The following RASA2 variants were observed in gnomAD, a reference collection of about 807,000 sequenced individuals.
RASA2 encodes the protein RAS p21 protein activator 2, also known as ras GTPase-activating protein 2.
Under a neutral mutation model 118.2 loss-of-function variants are expected in RASA2, and 155 were observed. The ratio of observed to expected loss-of-function variants is 1.31; its 90% confidence interval spans 1.15 to 1.50. The LOEUF (loss-of-function observed/expected upper bound fraction) is 1.50. Ranked by LOEUF, RASA2 falls within the 40% of genes most tolerant of loss-of-function variation. The pLI, the probability that RASA2 is intolerant of heterozygous loss-of-function variation, is 0.00. For missense variants in RASA2, 1,016 were observed against 1,009.6 expected (o/e 1.01, Z -0.09); for synonymous variants, 353 against 349.1 (o/e 1.01, Z -0.12).
chr3:141,500,276 AG>A (rs1256662013), intron 1 of RASA2, among the ~76,000 whole-genome samples: 2 of 152,110 alleles, frequency 1.3e-5, no homozygotes, highest in Non-Finnish European at 1.5e-5. Flanking sequence ...TGTACTCTGA[AG>A]GGGGTAAATT....
intron 20 of RASA2, 101 bp from the exon 21 acceptor site, chr3:141,608,388 G>T: frequency 8.8e-7 from 1 of 1,134,402 alleles, no homozygotes; most frequent in South Asian, 1.4e-5. Context: ...CAGTTATCTA[G>T]CCAAGCAACT....
At chr3:141,569,311 TG>T (rs2082874729) in intron 9 of RASA2, among the ~76,000 whole-genome samples, 1 of 152,176 alleles carries the variant, frequency 6.6e-6, no homozygotes, top group African/African-American at 2.4e-5. Flanking sequence ...CTGGAACTCT[TG>T]TGATATCTTG....
intron 19 of RASA2, among the ~76,000 whole-genome samples, chr3:141,591,438 G>A (rs1292238910): frequency 6.6e-6 from 1 of 152,012 alleles, no homozygotes; most frequent in Admixed American, 6.6e-5. Flanking sequence ...ATTACTGTGT[G>A]GTCATTACTT....
At chr3:141,545,294 A>G (rs1245847310) in intron 5 of RASA2, among the ~76,000 whole-genome samples, 1 of 152,012 alleles carries the variant, frequency 6.6e-6, no homozygotes, top group Non-Finnish European at 1.5e-5. Context: ...GGTAATTTAT[A>G]AAGAAGTTTA....
chr3:141,608,375 C>A, intron 20 of RASA2, 114 bp from the exon 21 acceptor site: 1 of 957,104 alleles, frequency 1.0e-6, no homozygotes, highest in Non-Finnish European at 1.6e-6. Context: ...GACATCTTAG[C>A]ACCAGTTATC....
chr3:141,506,983 G>A (rs1370297968), intron 1 of RASA2, among the ~76,000 whole-genome samples: 2 of 151,042 alleles, frequency 1.3e-5, no homozygotes, highest in South Asian at 2.1e-4. Context: ...TATGAATACT[G>A]TATTATTGAA....
chr3:141,557,174 A>G (rs1461046056), intron 7 of RASA2, among the ~76,000 whole-genome samples: 1 of 152,222 alleles, frequency 6.6e-6, no homozygotes, highest in Non-Finnish European at 1.5e-5. Flanking sequence ...CTGCTGTAGC[A>G]GGAGTACTTG....
chr3:141,536,761 CT>C (rs778644144), intron 4 of RASA2, among the ~76,000 whole-genome samples: 2,036 of 127,428 alleles, frequency 0.016, 24 homozygotes, highest in East Asian at 0.049. Context: ...TTGTTAGATT[CT>C]TTTTTTTTTT....
intron 16 of RASA2, among the ~76,000 whole-genome samples, 167 bp from the exon 17 acceptor site, chr3:141,580,933 A>G (rs2083103787): frequency 6.6e-6 from 1 of 152,096 alleles, no homozygotes; most frequent in South Asian, 2.1e-4. Context: ...TGCTTCGGCC[A>G]TAATCACATG....
chr3:141,506,414 A>G (rs1299356584), intron 1 of RASA2, among the ~76,000 whole-genome samples: 1 of 152,252 alleles, frequency 6.6e-6, no homozygotes, highest in African/African-American at 2.4e-5. Context: ...ATGAACTATA[A>G]AAACATTTCT....
chr3:141,564,029 T>C (rs1029443288), intron 9 of RASA2, among the ~76,000 whole-genome samples: 20 of 151,896 alleles, frequency 1.3e-4, no homozygotes, highest in African/African-American at 4.8e-4. Flanking sequence ...GGATTTCTTA[T>C]CCTGCAAAGA....
At chr3:141,593,556 C>T (rs372689863) in intron 19 of RASA2, among the ~76,000 whole-genome samples, 2 of 152,250 alleles carry the variant, frequency 1.3e-5, no homozygotes, top group East Asian at 3.9e-4. Flanking sequence ...TTAGTTGACT[C>T]TTAAACCGCT....
At chr3:141,567,932 CAG>C (rs1394947556) in intron 9 of RASA2, among the ~76,000 whole-genome samples, 1 of 152,170 alleles carries the variant, frequency 6.6e-6, no homozygotes, top group African/African-American at 2.4e-5. Flanking sequence ...ACTTGGGTAA[CAG>C]AGGACTGAGA....
At chr3:141,560,527 G>A (rs77111755) in intron 9 of RASA2, among the ~76,000 whole-genome samples, 2,064 of 152,074 alleles carry the variant, frequency 0.014, 60 homozygotes, top group African/African-American at 0.047. Context: ...CACTTTTTAG[G>A]GCTCTTGGTT....
At chr3:141,540,341 G>A (rs2082388337) in intron 4 of RASA2, among the ~76,000 whole-genome samples, 192 bp from the exon 5 acceptor site, 1 of 152,080 alleles carries the variant, frequency 6.6e-6, no homozygotes, top group Non-Finnish European at 1.5e-5. Context: ...TTTGACATAA[G>A]TATTTGTTTC....
intron 1 of RASA2, among the ~76,000 whole-genome samples, chr3:141,499,432 A>T (rs774038348): frequency 2.6e-5 from 4 of 152,162 alleles, no homozygotes; most frequent in Non-Finnish European, 5.9e-5. Flanking sequence ...CCACACACAC[A>T]CACACGAAAA....
intron 9 of RASA2, among the ~76,000 whole-genome samples, chr3:141,560,467 G>A (rs2082714920): frequency 2.6e-5 from 4 of 152,032 alleles, no homozygotes; most frequent in Non-Finnish European, 5.9e-5. Flanking sequence ...TACTGTAGAT[G>A]GCCCTAATGT....
rs556628844 is a variant in RASA2, at chr3:141,580,300, A to C, written c.1591-68A>C. The C allele has an allele frequency of 6.5e-6, 8 of 1,226,178 alleles. No individual in the cohort carries two copies. The African/African-American group carries it at 1.1e-4, about 16-fold the overall frequency. 76.0% of individuals were successfully genotyped at this position (1,226,178 alleles called of 1,614,324 possible). On this transcript the variant is annotated intron_variant, in intron 15 of 23. Transcript: ENST00000286364. ...TACAGCAATGTAGTCCATTTACTCT[A>C]TTCTACTTTTTTATACAAACTATTT...
chr3:141,489,842 A>G (rs11717842), intron 1 of RASA2, among the ~76,000 whole-genome samples: 1 of 151,918 alleles, frequency 6.6e-6, no homozygotes, highest in Admixed American at 6.6e-5. Flanking sequence ...ATATTTGTCT[A>G]TTGGACAAGA....
Sources: allele counts gnomAD v4.1 joint callset (sites outside exome capture counted in the v4.1 genomes callset), GRCh38; gene constraint gnomAD v4.1.1; transcripts MANE v1.5; gene names NCBI Gene and HGNC (gene_info 2026-07-23, HGNC 2026-07-21).